Variants in ZNF385B observed in about 807,000 individuals in gnomAD.
ZNF385B encodes the protein zinc finger protein 533.
Under a neutral mutation model 39.2 loss-of-function variants are expected in ZNF385B, and 23 were observed. The ratio of observed to expected loss-of-function variants is 0.59; its 90% CI spans 0.42 to 0.83. The LOEUF (loss-of-function observed/expected upper bound fraction) is 0.83, where lower values mean the gene tolerates loss of function less well. ZNF385B is among the 40% of genes least tolerant of loss of function. The probability of loss-of-function intolerance (pLI) is 0.00; values close to 1 mark genes in which losing one functional copy is unlikely to be tolerated. For synonymous variants in ZNF385B, 205 were observed against 222.6 expected, an observed-to-expected ratio of 0.92 and a Z score of 0.70; for missense variants, 552 against 598.9, an observed-to-expected ratio of 0.92 and a Z score of 0.82.
intron 1 of ZNF385B, among the ~76,000 whole-genome samples, chr2:179,793,747 G>C (rs1705484506): frequency 6.6e-6 from 1 of 152,188 alleles, no homozygotes; most frequent in African/African-American, 2.4e-5. Context: ...CAGCTGCCAT[G>C]GCAGGTGGCT....
At chr2:179,690,393 C>T (rs566204768) in intron 3 of ZNF385B, among the ~76,000 whole-genome samples, 1 of 152,298 alleles carries the variant, frequency 6.6e-6, no homozygotes, top group Non-Finnish European at 1.5e-5. Flanking sequence ...ACTCAAGTCT[C>T]ACAGTTGGCC....
In ZNF385B at chr2:179,515,529, C is replaced by T. The variant is rs550859797; in HGVS notation, c.552+2999G>A. Among the ~76,000 whole-genome samples, 12 of 152,242 alleles carry T rather than the reference C, an allele frequency of 7.9e-5. No homozygotes were observed. In the East Asian group the frequency reaches 1.2e-3, roughly 15 times the overall value. On this transcript the variant is annotated intron_variant, in intron 5 of 9. Coordinates refer to ENST00000410066, the MANE Select transcript of ZNF385B (RefSeq NM_152520.6). ...CATGTCATATTTATATAACAACAGA[C>T]TTTAATTTCTCCGTATAACTCTAAA...
chr2:179,654,217 G>A (rs1291868851), intron 3 of ZNF385B, among the ~76,000 whole-genome samples: 1 of 152,100 alleles, frequency 6.6e-6, no homozygotes, highest in African/African-American at 2.4e-5. Flanking sequence ...ATTGTACACA[G>A]GTATACCGTG....
chr2:179,444,815 A>C (rs887661170), intron 9 of ZNF385B, 61 bp downstream of exon 9: 26 of 1,419,280 alleles, frequency 1.8e-5, no homozygotes, highest in Non-Finnish European at 2.3e-5. Flanking sequence ...CTTGCCCACA[A>C]TGGCTGCCCA....
At chr2:179,832,298 C>G (rs1173000834) in intron 1 of ZNF385B, among the ~76,000 whole-genome samples, 4 of 152,162 alleles carry the variant, frequency 2.6e-5, no homozygotes, top group African/African-American at 9.7e-5. Context: ...ATTCACTTCT[C>G]CTTTTAAAAT....
At chr2:179,484,157 A>C (rs2054311514) in intron 5 of ZNF385B, among the ~76,000 whole-genome samples, 1 of 152,198 alleles carries the variant, frequency 6.6e-6, no homozygotes, top group Admixed American at 6.5e-5. Flanking sequence ...AAAAAGAAAG[A>C]GCAAGACAAA....
intron 3 of ZNF385B, among the ~76,000 whole-genome samples, chr2:179,641,788 G>A (rs1484935528): frequency 6.6e-6 from 1 of 152,084 alleles, no homozygotes; most frequent in African/African-American, 2.4e-5. Flanking sequence ...CTGAGCTAAA[G>A]GAAGGACGAG....
chr2:179,843,389 T>G (rs975562631), intron 1 of ZNF385B, among the ~76,000 whole-genome samples: 10 of 152,228 alleles, frequency 6.6e-5, no homozygotes, highest in African/African-American at 2.4e-4. Flanking sequence ...CGTACCTTCC[T>G]TGAATAAGTT....
chr2:179,544,105 G>A (rs751566859), intron 4 of ZNF385B, among the ~76,000 whole-genome samples: 1 of 152,082 alleles, frequency 6.6e-6, no homozygotes, highest in African/African-American at 2.4e-5. Context: ...TTAGAATCTG[G>A]CTACAGATTG....
intron 1 of ZNF385B, among the ~76,000 whole-genome samples, chr2:179,841,534 C>T (rs1217442647): frequency 6.6e-6 from 1 of 152,196 alleles, no homozygotes; most frequent in African/African-American, 2.4e-5. Context: ...AATTCTCAAT[C>T]TCAGCACTAT....
chr2:179,810,583 T>C (rs1706671582), intron 1 of ZNF385B, among the ~76,000 whole-genome samples: 1 of 152,024 alleles, frequency 6.6e-6, no homozygotes, highest in Non-Finnish European at 1.5e-5. Context: ...TAAATATGGA[T>C]CCACATTGTC....
chr2:179,647,533 C>T (rs7582050), intron 3 of ZNF385B, among the ~76,000 whole-genome samples: 3,972 of 152,080 alleles, frequency 0.026, 158 homozygotes, highest in African/African-American at 0.091. Context: ...CAGTCTCCTG[C>T]GTTAGTGAAT....
At chr2:179,694,956 AGAGGAG>A (rs71994313) in intron 3 of ZNF385B, among the ~76,000 whole-genome samples, 11,036 of 148,628 alleles carry the variant, frequency 0.074, 1,227 homozygotes, top group African/African-American at 0.25. Context: ...AAAAGAAAGA[AGAGGAG>A]GAGGAGGAGG....
intron 3 of ZNF385B, among the ~76,000 whole-genome samples, chr2:179,762,987 C>CGTGG (rs752874217): frequency 6.6e-6 from 1 of 152,212 alleles, no homozygotes; most frequent in Non-Finnish European, 1.5e-5. Flanking sequence ...TCACCACAAC[C>CGTGG]TGTGCCTCCT....
chr2:179,524,909 T>G (rs1408839457), intron 4 of ZNF385B, among the ~76,000 whole-genome samples: 1 of 152,284 alleles, frequency 6.6e-6, no homozygotes, highest in East Asian at 1.9e-4. Flanking sequence ...TCTAGCTGTG[T>G]AATAACAATA....
intron 3 of ZNF385B, among the ~76,000 whole-genome samples, chr2:179,556,383 C>G (rs2060906507): frequency 6.7e-6 from 1 of 149,376 alleles, no homozygotes; most frequent in Non-Finnish European, 1.5e-5. Flanking sequence ...ATCGTAGTTT[C>G]TCAGCTTATA....
In ZNF385B at chr2:179,527,634, A is replaced by G. The variant is rs1179924772; in HGVS notation, c.442-8996T>C. 5.3e-5 allele frequency among the ~76,000 whole-genome samples: 8 copies of G among 152,050 alleles called. No individual in the cohort carries two copies. In the East Asian group the frequency reaches 1.5e-3, roughly 29 times the overall value. On this transcript the variant is annotated intron_variant, in intron 4 of 9. Coordinates refer to ENST00000410066, the MANE Select transcript of ZNF385B (RefSeq NM_152520.6). ...TGGTTGTAAGAAGTGCAACTCTTTC[A>G]GAGGTAAGGGTTTCATATCAACTTT...
chr2:179,690,831 G>A (rs149406167), intron 3 of ZNF385B, among the ~76,000 whole-genome samples: 444 of 152,196 alleles, frequency 2.9e-3, no homozygotes, highest in Non-Finnish European at 4.8e-3. Context: ...GTAATTATTC[G>A]TGCACTTCAC....
At chr2:179,454,634 G>T (rs1050127146) in intron 6 of ZNF385B, among the ~76,000 whole-genome samples, 74 of 152,158 alleles carry the variant, frequency 4.9e-4, no homozygotes, top group African/African-American at 1.7e-3. Context: ...CTTCCAGTGG[G>T]TTAAGATGTG....
Sources: allele counts gnomAD v4.1 joint callset (sites outside exome capture counted in the v4.1 genomes callset), GRCh38; gene constraint gnomAD v4.1.1; transcripts MANE v1.5; gene names NCBI Gene and HGNC (gene_info 2026-07-23, HGNC 2026-07-21).